The following MRTFB variants were observed in gnomAD, a reference collection of about 807,000 sequenced individuals.
MRTFB encodes myocardin related transcription factor B.
A neutral mutation model predicts 104.2 loss-of-function variants in MRTFB; 29 were observed. The observed-to-expected ratio is 0.28, with a 90% CI of 0.21 to 0.38. MRTFB has a LOEUF of 0.38. Among genes scored for constraint, MRTFB ranks in the 10% least tolerant of loss-of-function variants. The probability of loss-of-function intolerance (pLI) is 1.00; values close to 1 mark genes in which losing one functional copy is unlikely to be tolerated. For synonymous variants in MRTFB, 535 were observed against 519.5 expected (o/e 1.03, Z -0.41); for missense variants, 1,270 against 1,341.6 (o/e 0.95, Z 0.83).
chr16:14,032,722 T>C, the MRTFB span, among the ~76,000 whole-genome samples: 13 of 152,150 alleles, frequency 8.5e-5, no homozygotes, highest in Non-Finnish European at 1.5e-5. Flanking sequence ...GTGGGGTCTA[T>C]ATGAACCCCA....
chr16:14,013,857 C>T, the MRTFB span, among the ~76,000 whole-genome samples: 3 of 152,156 alleles, frequency 2.0e-5, no homozygotes, highest in Non-Finnish European at 2.9e-5. Context: ...CTATTGGAAA[C>T]GCAGGTCTCA....
chr16:14,066,699 G>C (rs1642707811), upstream of MRTFB, among the ~76,000 whole-genome samples: 1 of 151,916 alleles, frequency 6.6e-6, no homozygotes, highest in Admixed American at 6.6e-5. Flanking sequence ...TAGAGATGTG[G>C]TCTCTCTCTC....
At chr16:14,186,622 G>C in intron 3 of MRTFB, 1 of 1,046,736 alleles carries the variant, frequency 9.6e-7, no homozygotes, top group Non-Finnish European at 1.2e-6. Flanking sequence ...AGGGAAAGGG[G>C]GCTGGCTGGG....
intron 8 of MRTFB, among the ~76,000 whole-genome samples, chr16:14,220,732 TAC>T (rs1417270533): frequency 6.6e-6 from 1 of 152,242 alleles, no homozygotes; most frequent in Non-Finnish European, 1.5e-5. Context: ...GCTGCTGCAG[TAC>T]AGTTCTGCCT....
At chr16:14,047,188 A>T in the MRTFB span, among the ~76,000 whole-genome samples, 2 of 152,174 alleles carry the variant, frequency 1.3e-5, no homozygotes, top group Non-Finnish European at 2.9e-5. Flanking sequence ...GTATCAGGCA[A>T]CCTCACTATA....
intron 3 of MRTFB, chr16:14,200,706 CTG>C (rs1263445303): frequency 4.6e-6 from 7 of 1,531,340 alleles, no homozygotes; most frequent in South Asian, 4.5e-5. Context: ...GAGAATGAAA[CTG>C]TGTCAGAGGC....
the MRTFB span, among the ~76,000 whole-genome samples, chr16:14,006,724 G>C: frequency 6.6e-6 from 1 of 150,436 alleles, no homozygotes; most frequent in Non-Finnish European, 1.5e-5. Context: ...TTTTTTTAAA[G>C]AGCTTTATTA....
At chr16:14,020,607 C>T in the MRTFB span, 257 of 152,222 alleles carry the variant, frequency 1.7e-3, no homozygotes, top group African/African-American at 5.6e-3. Flanking sequence ...AGGAGCCACC[C>T]CCAAGAAAAG....
At chr16:14,224,550 C>G (rs1190611446) in intron 8 of MRTFB, among the ~76,000 whole-genome samples, 1 of 152,134 alleles carries the variant, frequency 6.6e-6, no homozygotes. Flanking sequence ...AATCAACTGT[C>G]TAGAGTCAAA....
Position 14,248,965 on chromosome 16 carries a change from G to C in MRTFB, c.2287G>C (p.Ala763Pro). Residue 763 changes from alanine to proline, a missense_variant, in exon 13 of 17, where the codon GCA becomes CCA. This residue lies in a region of MRTFB where 1,144 missense variants were observed against 1,131.5 expected (regional missense o/e 1.01). Coordinates refer to ENST00000571589, the MANE Select transcript of MRTFB (RefSeq NM_001308142.2). ...QAGMQTQPQI[A>P]TAAQIPTAAL... is the part of the protein sequence containing the mutation. ...AGGAATGCAGACTCAGCCTCAGATA[G>C]CAACTGCTGCACAAATACCAACTGC... 6.2e-7 allele frequency: 1 copy of C among 1,614,078 alleles called. No individual in the cohort carries two copies. The highest frequency in any genetic ancestry group is 8.5e-7 in the Non-Finnish European group (1 of 1,179,996).
At chr16:14,059,285 T>C in the MRTFB span, among the ~76,000 whole-genome samples, 1 of 152,110 alleles carries the variant, frequency 6.6e-6, no homozygotes, top group Non-Finnish European at 1.5e-5. Context: ...ATGTTAATTA[T>C]AGTCACCATA....
upstream of MRTFB, among the ~76,000 whole-genome samples, chr16:14,070,378 T>A (rs1209483561): frequency 6.6e-6 from 1 of 152,238 alleles, no homozygotes; most frequent in Non-Finnish European, 1.5e-5. Context: ...TATTATTTCA[T>A]TAAGACTTAC....
intron 2 of MRTFB, among the ~76,000 whole-genome samples, chr16:14,110,013 T>G (rs1180145706): frequency 6.6e-6 from 1 of 152,170 alleles, no homozygotes; most frequent in East Asian, 1.9e-4. Context: ...GTCAATATGG[T>G]TTGCCCTTTA....
At chr16:14,053,713 G>A in the MRTFB span, among the ~76,000 whole-genome samples, 1 of 148,202 alleles carries the variant, frequency 6.7e-6, no homozygotes, top group African/African-American at 2.5e-5. Context: ...CTGAGTGACA[G>A]AGCAGGACTC....
At chr16:14,206,800 C>G (rs1020705973) in intron 3 of MRTFB, among the ~76,000 whole-genome samples, 9 of 152,082 alleles carry the variant, frequency 5.9e-5, no homozygotes, top group Non-Finnish European at 1.2e-4. Context: ...CTCGTCCCGG[C>G]CTCCCAAAGT....
chr16:14,248,023 T>A (rs2043098967), intron 12 of MRTFB: 1 of 153,368 alleles, frequency 6.5e-6, no homozygotes, highest in African/African-American at 2.4e-5. Flanking sequence ...CCCATTCTTA[T>A]ATTCTGCCTC....
At chr16:14,198,204 C>T (rs533594356) in intron 3 of MRTFB, among the ~76,000 whole-genome samples, 1 of 152,214 alleles carries the variant, frequency 6.6e-6, no homozygotes, top group Non-Finnish European at 1.5e-5. Context: ...TATGGATATG[C>T]CACAATTTGT....
At chr16:14,130,787 C>G (rs2037399618) in intron 2 of MRTFB, among the ~76,000 whole-genome samples, 1 of 147,340 alleles carries the variant, frequency 6.8e-6, no homozygotes, top group South Asian at 2.1e-4. Context: ...CCTCAGGAAA[C>G]TTATACAATC....
At chr16:14,249,682 T>C (rs1185207227) in intron 13 of MRTFB, among the ~76,000 whole-genome samples, 1 of 152,210 alleles carries the variant, frequency 6.6e-6, no homozygotes, top group Non-Finnish European at 1.5e-5. Flanking sequence ...CACAAATAAC[T>C]ACCAAAAAAA....
Sources: allele counts gnomAD v4.1 joint callset (sites outside exome capture counted in the v4.1 genomes callset), GRCh38; gene constraint gnomAD v4.1.1; regional missense constraint gnomAD v4.1.1; transcripts MANE v1.5; gene names NCBI Gene and HGNC (gene_info 2026-07-23, HGNC 2026-07-21).